Variants in STK11IP observed in about 807,000 individuals in gnomAD.
STK11IP encodes the protein serine/threonine kinase 11 interacting protein, also known as serine/threonine-protein kinase 11-interacting protein.
STK11IP carries 103 observed loss-of-function variants against 131.7 expected under a neutral mutation model. The ratio of observed to expected loss-of-function variants is 0.78; its 90% CI spans 0.67 to 0.92. The LOEUF (loss-of-function observed/expected upper bound fraction) is 0.92, where lower values mean the gene tolerates loss of function less well. STK11IP is among the 40% of genes least tolerant of loss of function. STK11IP has a pLI of 0.00. For synonymous variants in STK11IP, 557 were observed against 575.6 expected, an observed-to-expected ratio of 0.97 and a Z score of 0.46; for missense variants, 1,315 against 1,385.7, an observed-to-expected ratio of 0.95 and a Z score of 0.81.
chr2:219,609,772 T>C (rs1013502813), intron 17 of STK11IP: 1 of 501,798 alleles, frequency 2.0e-6, no homozygotes, highest in African/African-American at 1.9e-5. Context: ...ACTCTAAAAG[T>C]CAGGAAATGC....
In STK11IP at chr2:219,611,783, C is replaced by T. The variant is rs1449613384; in HGVS notation, c.2284C>T (p.Pro762Ser). The change falls in exon 18 of 25, where the codon CCA becomes TCA. Residue 762 changes from proline to serine, a missense_variant. Physicochemically the swap from Pro to Ser is moderately conservative, Grantham distance 74. Coordinates refer to ENST00000456909, the MANE Select transcript of STK11IP (RefSeq NM_052902.4). ...CCACCTTGACAGGGCCAAGAACAGC[C>T]CACCTCAGGCACCGAGCACCCGTGA... Reference protein sequence around the residue: ...GDHLDRAKNSPPQAPSTRDHG... With the variant: ...GDHLDRAKNSSPQAPSTRDHG... The T allele has an allele frequency of 6.2e-7, 1 of 1,612,904 alleles. No homozygotes were observed. The highest frequency in any genetic ancestry group is 1.3e-5 in the African/African-American group (1 of 74,928).
intron 20 of STK11IP, 28 bp downstream of exon 20, chr2:219,613,253 A>C: frequency 1.0e-6 from 1 of 962,446 alleles, no homozygotes; most frequent in Non-Finnish European, 1.5e-6. Context: ...TGCAGTGAGT[A>C]AGGGGGGAGA....
At chr2:219,598,010 T>A in intron 1 of STK11IP, 84 bp from the exon 2 acceptor site, 2 of 1,582,008 alleles carry the variant, frequency 1.3e-6, no homozygotes, top group South Asian at 2.3e-5. Context: ...TTTCTCCGCA[T>A]GACGCCTCGG....
At position 219,606,035 on chromosome 2, in the gene STK11IP, GTGGCTGC is replaced by G; in HGVS notation, c.832_838del (p.Leu278SerfsTer46). The G allele has an allele frequency of 6.2e-7, 1 of 1,606,566 alleles. No individual in the cohort carries two copies. Among genetic ancestry groups the G allele is most frequent in the Non-Finnish European group, 8.5e-7 (1 of 1,176,712 alleles). ...AAGGACACCGGGAGCTGTCACCACT[GTGGCTGC>G]TGGCTGAGCTCCGCAAGGTGAGATG... On this transcript the variant is annotated frameshift_variant, in exon 9 of 25. Coordinates refer to ENST00000456909, the MANE Select transcript of STK11IP (RefSeq NM_052902.4). LOFTEE classifies it high-confidence loss of function.
chr2:219,609,221 C>T lies in STK11IP; in HGVS notation c.1926+8C>T, dbSNP rs191091704. The T allele has an allele frequency of 1.1e-3, 1,830 of 1,591,354 alleles. 1 individual carries two copies. Among genetic ancestry groups the T allele is most frequent in the Non-Finnish European group, 1.4e-3 (1,690 of 1,168,850 alleles). ...GCCCACGCAGCTGTCCAGGTGATGGCGCCCAGAGTGGGGGCCCAGGAGGCT... is the reference window on the plus strand; with the variant it reads ...GCCCACGCAGCTGTCCAGGTGATGGTGCCCAGAGTGGGGGCCCAGGAGGCT... On this transcript the variant is annotated splice_region_variant and intron_variant, in intron 16 of 24. Coordinates refer to ENST00000456909, the MANE Select transcript of STK11IP (RefSeq NM_052902.4).
chr2:219,611,862 T>C (rs1698407980), intron 18 of STK11IP, 28 bp downstream of exon 18: 1 of 1,594,896 alleles, frequency 6.3e-7, no homozygotes, highest in African/African-American at 1.3e-5. Flanking sequence ...AAGACATAGA[T>C]GAGTTTGGGG....
chr2:219,601,429 C>CT lies in STK11IP; in HGVS notation c.259dup (p.Ser87PhefsTer124), dbSNP rs878935093. 1 of 1,614,048 alleles carries CT rather than the reference C, an allele frequency of 6.2e-7. No individual in the cohort carries two copies. Among genetic ancestry groups the CT allele is most frequent in the Non-Finnish European group, 8.5e-7 (1 of 1,179,902 alleles). On this transcript the variant is annotated frameshift_variant, in exon 3 of 25. Transcript: ENST00000456909. LOFTEE classifies it high-confidence loss of function. ...TCTCTTCGATGTGCTGCAGAAAACA[C>CT]TTTCACTCAAGGTTCTGGGTGTGGG...
rs376509014 is a variant in STK11IP at position 219,606,023 on chromosome 2, G to A, written c.813G>A (p.Glu271=). 2.9e-5 allele frequency: 47 copies of A among 1,608,696 alleles called. No individual in the cohort carries two copies. The African/African-American group carries it at 5.7e-4, about 20-fold the overall frequency. ...LAYNLLEGHR[E]LSPLWLLAEL... ...ACAACCTGCTGGAAGGACACCGGGA[G>A]CTGTCACCACTGTGGCTGCTGGCTG... The change falls in exon 9 of 25, where the codon GAG becomes GAA. Residue 271 remains glutamate, a synonymous_variant. Transcript: ENST00000456909.
chr2:219,609,327 C>T (rs1428399991), intron 16 of STK11IP, 36 bp from the exon 17 acceptor site: 1 of 1,608,266 alleles, frequency 6.2e-7, no homozygotes, highest in Admixed American at 1.7e-5. Flanking sequence ...CTGGGGTCCG[C>T]CTGCTCACAG....
In STK11IP at chr2:219,616,155, C is replaced by G. The variant is rs776082847; in HGVS notation, c.3229C>G (p.Arg1077Gly). The change falls in exon 25 of 25, where the codon CGG becomes GGG. Residue 1077 changes from arginine to glycine, a missense_variant. By Grantham distance (125) the Arg-to-Gly change is moderately radical. Transcript: ENST00000456909. Reference sequence around the variant, plus strand: ...GGAGGAGCTGTTTTCCATCGGACTCCGGACAGTGATCCAAGAGGCGCTGGC... The same window carrying G: ...GGAGGAGCTGTTTTCCATCGGACTCGGGACAGTGATCCAAGAGGCGCTGGC... ...PWEELFSIGL[R>G]TVIQEALALD... 1.9e-6 allele frequency: 3 copies of G among 1,613,594 alleles called. No homozygotes were observed. The highest frequency in any genetic ancestry group is 2.5e-6 in the Non-Finnish European group (3 of 1,179,876).
In STK11IP at chr2:219,601,647, C is replaced by A; in HGVS notation, c.274C>A (p.His92Asn). ...GTTTTTTTTTTTTTTTCAGCTGGTC[C>A]ATGTTGCTGGTCCTGGCCCCACAGG... Reference protein sequence around the residue: ...LQKTLSLKLVHVAGPGPTGPI... With the variant: ...LQKTLSLKLVNVAGPGPTGPI... Residue 92 changes from histidine to asparagine, a missense_variant, in exon 4 of 25, where the codon CAT becomes AAT. Transcript: ENST00000456909. The A allele has an allele frequency of 6.3e-7, 1 of 1,578,950 alleles. No individual in the cohort carries two copies. The highest frequency in any genetic ancestry group is 8.6e-7 in the Non-Finnish European group (1 of 1,163,172).
chr2:219,612,013 T>TG lies in STK11IP; in HGVS notation c.2395dup (p.Glu799GlyfsTer35). ...ACCGACTCCGGCTCTTCCTGGATGT[T>TG]GAGGTGTTCAGCGATGCCCAGGAGG... On this transcript the variant is annotated frameshift_variant, in exon 19 of 25. Coordinates refer to ENST00000456909, the MANE Select transcript of STK11IP (RefSeq NM_052902.4). LOFTEE classifies it high-confidence loss of function. 1 of 1,605,848 alleles carries TG rather than the reference T, an allele frequency of 6.2e-7. No individual in the cohort carries two copies. The highest frequency in any genetic ancestry group is 8.5e-7 in the Non-Finnish European group (1 of 1,176,900).
intron 7 of STK11IP, among the ~76,000 whole-genome samples, chr2:219,605,100 G>A (rs1698108356): frequency 6.6e-6 from 1 of 152,200 alleles, no homozygotes; most frequent in South Asian, 2.1e-4. Flanking sequence ...AGAGTGCTGG[G>A]ATTACAGGCA....
At chr2:219,604,085 G>A (rs538928998) in intron 7 of STK11IP, among the ~76,000 whole-genome samples, 4 of 152,298 alleles carry the variant, frequency 2.6e-5, no homozygotes, top group African/African-American at 9.6e-5. Context: ...TGGGAGATGG[G>A]AGCCCTGTCA....
At chr2:219,605,921 C>T (rs765433173) in intron 8 of STK11IP, 35 bp from the exon 9 acceptor site, 8 of 1,551,438 alleles carry the variant, frequency 5.2e-6, no homozygotes, top group Non-Finnish European at 1.8e-6. Context: ...TGTACTCATC[C>T]ACATGCTCTT....
In STK11IP at chr2:219,597,912, C is replaced by G. The variant is rs775809152; in HGVS notation, c.-38C>G. ...CAGCTGAGCTGGTAGGAGGACCAGACGGGGAGGTTCGGTATGTCTGACCAG... is the reference window on the plus strand; with the variant it reads ...CAGCTGAGCTGGTAGGAGGACCAGAGGGGGAGGTTCGGTATGTCTGACCAG... On this transcript the variant is annotated 5_prime_UTR_variant, in exon 1 of 25. Transcript: ENST00000456909. 7 of 1,611,634 alleles carry G rather than the reference C, an allele frequency of 4.3e-6. No homozygotes were observed. In the South Asian group the frequency reaches 5.5e-5, roughly 13 times the overall value.
Position 219,601,299 on chromosome 2 carries a change from C to T in STK11IP, c.126C>T (p.Asn42=), listed in dbSNP as rs1398049199. The change falls in exon 3 of 25, where the codon AAC becomes AAT. Residue 42 remains asparagine, a synonymous_variant. Coordinates refer to ENST00000456909, the MANE Select transcript of STK11IP (RefSeq NM_052902.4). ...TGACTCCCACACTGCAACAGCTGAA[C>T]CACGTATTTGAGCTGCACCTGGGGC... The part of the protein sequence containing the change: ...SLLTPTLQQL[N]HVFELHLGPW... The T allele has an allele frequency of 1.2e-6, 2 of 1,613,954 alleles. No homozygotes were observed. The highest frequency in any genetic ancestry group is 3.3e-5 in the Admixed American group (2 of 60,010).
rs765859957 is a variant in STK11IP at position 219,606,057 on chromosome 2, A to C, written c.847A>C (p.Lys283Gln). 50 of 1,598,232 alleles carry C rather than the reference A, an allele frequency of 3.1e-5. No homozygotes were observed. In the South Asian group the frequency reaches 5.2e-4, roughly 17 times the overall value. ...ACTGTGGCTGCTGGCTGAGCTCCGC[A>C]AGGTGAGATGGGAATGCATCAGGGG... is the stretch of plus-strand genomic sequence containing the variant. ...SPLWLLAELRKLYLEGNPLWF... is the reference protein window; with the variant it reads ...SPLWLLAELRQLYLEGNPLWF... Residue 283 changes from lysine to glutamine, a missense_variant and splice_region_variant, in exon 9 of 25, where the codon AAG (lysine) becomes CAG (glutamine). Physicochemically the swap from Lys to Gln is moderately conservative, Grantham distance 53 (BLOSUM62 1). Coordinates refer to ENST00000456909, the MANE Select transcript of STK11IP (RefSeq NM_052902.4).
intron 2 of STK11IP, chr2:219,598,430 G>T: frequency 2.3e-6 from 1 of 443,016 alleles, no homozygotes; most frequent in Non-Finnish European, 4.0e-6. Flanking sequence ...GACACTGTCA[G>T]AAGGAAGTGA....
Sources: allele counts gnomAD v4.1 joint callset (sites outside exome capture counted in the v4.1 genomes callset), GRCh38; gene constraint gnomAD v4.1.1; transcripts MANE v1.5; gene names NCBI Gene and HGNC (gene_info 2026-07-23, HGNC 2026-07-21).